FAM227B: variants seen among roughly 807,000 people sequenced by gnomAD.
The protein encoded by FAM227B is family with sequence similarity 227 member B, also known as protein FAM227B.
A neutral mutation model predicts 73.8 loss-of-function variants in FAM227B; 88 were observed. The ratio of observed to expected loss-of-function variants is 1.19; its 90% CI spans 1.00 to 1.42. FAM227B has a LOEUF of 1.42. FAM227B is among the 40% of genes most tolerant of loss of function. The pLI is 0.00. For synonymous variants in FAM227B, 210 were observed against 190.5 expected (o/e 1.10, Z -0.84); for missense variants, 632 against 590.9 (o/e 1.07, Z -0.72).
chr15:49,498,417 A>T (rs999289584), intron 11 of FAM227B, among the ~76,000 whole-genome samples: 2 of 152,210 alleles, frequency 1.3e-5, no homozygotes, highest in Non-Finnish European at 2.9e-5. Flanking sequence ...CTCTTAAGTT[A>T]ACACACTTTA....
intron 13 of FAM227B, among the ~76,000 whole-genome samples, chr15:49,351,372 G>A (rs1247615146): frequency 3.9e-5 from 6 of 152,134 alleles, no homozygotes; most frequent in Admixed American, 1.3e-4. Context: ...GGCCAATTCC[G>A]CCCAAACTCT....
At chr15:49,459,889 T>A (rs1209199145) in intron 11 of FAM227B, among the ~76,000 whole-genome samples, 1 of 152,164 alleles carries the variant, frequency 6.6e-6, no homozygotes, top group Non-Finnish European at 1.5e-5. Flanking sequence ...GGTGGAGGTA[T>A]TTACACAATG....
intron 13 of FAM227B, among the ~76,000 whole-genome samples, chr15:49,356,219 G>T (rs2043142313): frequency 6.6e-6 from 1 of 151,636 alleles, no homozygotes; most frequent in African/African-American, 2.4e-5. Flanking sequence ...CATAATGACA[G>T]GATCAAATTC....
intron 13 of FAM227B, among the ~76,000 whole-genome samples, chr15:49,342,981 G>A (rs1379350544): frequency 6.6e-6 from 1 of 152,072 alleles, no homozygotes; most frequent in East Asian, 1.9e-4. Flanking sequence ...TGGAAAGTCT[G>A]GTGAGTATAT....
At chr15:49,619,491 C>T (rs532264512) in intron 1 of FAM227B, among the ~76,000 whole-genome samples, 1 of 152,264 alleles carries the variant, frequency 6.6e-6, no homozygotes, top group Admixed American at 6.5e-5. Flanking sequence ...GAGGAAACCC[C>T]GGCCATATAG....
At chr15:49,396,679 G>A (rs1230465455) in intron 11 of FAM227B, among the ~76,000 whole-genome samples, 3 of 151,506 alleles carry the variant, frequency 2.0e-5, no homozygotes, top group African/African-American at 2.4e-5. Flanking sequence ...CCTCAAGTGG[G>A]TCCCTGACCC....
chr15:49,596,628 A>G (rs1173465249), intron 3 of FAM227B, among the ~76,000 whole-genome samples: 1 of 151,926 alleles, frequency 6.6e-6, no homozygotes, highest in Non-Finnish European at 1.5e-5. Context: ...TCATATCTCA[A>G]TACATTGGAT....
intron 10 of FAM227B, among the ~76,000 whole-genome samples, chr15:49,509,513 A>C (rs912199206): frequency 2.0e-5 from 3 of 152,120 alleles, no homozygotes; most frequent in African/African-American, 7.2e-5. Flanking sequence ...TCTGCCATCA[A>C]GGCAGACGTG....
chr15:49,575,898 G>T (rs1191056519), intron 7 of FAM227B, among the ~76,000 whole-genome samples: 1 of 152,116 alleles, frequency 6.6e-6, no homozygotes, highest in African/African-American at 2.4e-5. Flanking sequence ...GTTTAAATAG[G>T]CAGATTCAAT....
chr15:49,531,478 C>T (rs2060604468), intron 10 of FAM227B, among the ~76,000 whole-genome samples: 2 of 151,998 alleles, frequency 1.3e-5, no homozygotes, highest in African/African-American at 4.8e-5. Context: ...TAACAACTTG[C>T]AAATATTTAA....
At chr15:49,579,487 T>G (rs953451967) in intron 5 of FAM227B, among the ~76,000 whole-genome samples, 2 of 152,226 alleles carry the variant, frequency 1.3e-5, no homozygotes, top group African/African-American at 4.8e-5. Flanking sequence ...TCCTGTCATT[T>G]GCAGCAATAT....
chr15:49,329,490 T>C, intron 15 of FAM227B: 1 of 985,338 alleles, frequency 1.0e-6, no homozygotes, highest in Non-Finnish European at 1.2e-6. Flanking sequence ...GGCATCACCA[T>C]CTAGAATTTC....
intron 11 of FAM227B, among the ~76,000 whole-genome samples, chr15:49,396,725 C>CT (rs898020036): frequency 9.4e-5 from 14 of 149,282 alleles, no homozygotes; most frequent in South Asian, 4.3e-4. Context: ...AGGCACCCCC[C>CT]AGCAGGGGCA....
chr15:49,340,422 C>CT (rs2040535390), intron 13 of FAM227B, among the ~76,000 whole-genome samples: 2 of 143,290 alleles, frequency 1.4e-5, no homozygotes, highest in South Asian at 2.3e-4. Context: ...CTCCCCCCCC[C>CT]GCTTTGCCTC....
chr15:49,603,712 G>A (rs1230059657), intron 3 of FAM227B, among the ~76,000 whole-genome samples: 1 of 152,150 alleles, frequency 6.6e-6, no homozygotes, highest in Non-Finnish European at 1.5e-5. Context: ...TGGTGAAAGT[G>A]GGCATCCTTG....
chr15:49,474,196 T>C (rs1253605463), intron 11 of FAM227B, among the ~76,000 whole-genome samples: 1 of 152,200 alleles, frequency 6.6e-6, no homozygotes, highest in Non-Finnish European at 1.5e-5. Flanking sequence ...TTAGGCTATC[T>C]ATATCAGCCC....
chr15:49,507,488 T>G (rs2058667401), intron 11 of FAM227B, among the ~76,000 whole-genome samples: 1 of 152,098 alleles, frequency 6.6e-6, no homozygotes, highest in Admixed American at 6.6e-5. Context: ...TAGATTCTGA[T>G]TTAACCAGTC....
In FAM227B at chr15:49,541,692, GA is replaced by G; in HGVS notation, c.861del (p.Leu288PhefsTer6). 6.6e-7 allele frequency: 1 copy of G among 1,504,394 alleles called. No homozygotes were observed. Among genetic ancestry groups the G allele is most frequent in the South Asian group, 1.4e-5 (1 of 69,730 alleles). 93.2% of individuals were successfully genotyped at this position (1,504,394 alleles called of 1,614,324 possible). The stretch of plus-strand genomic sequence containing the variant: ...GATATATTCATACCTGAACACCAAA[GA>G]AAAATGTTATTCCCTAGATCTTCTT... ...EFKEDLGNNI[F>X]LWCSGLKPQK... On this transcript the variant is annotated frameshift_variant, in exon 10 of 16. Coordinates refer to ENST00000299338, the MANE Select transcript of FAM227B (RefSeq NM_152647.3). LOFTEE classifies it high-confidence loss of function.
intron 11 of FAM227B, among the ~76,000 whole-genome samples, chr15:49,378,174 T>A (rs2046293462): frequency 6.6e-6 from 1 of 152,124 alleles, no homozygotes; most frequent in Admixed American, 6.5e-5. Flanking sequence ...ACTGTAGGTG[T>A]GTGGGTTTGT....
Sources: gnomAD v4.1 joint callset for allele counts (sites outside exome capture counted in the v4.1 genomes callset) on GRCh38, gnomAD v4.1.1 for gene constraint, MANE v1.5 for transcripts, NCBI Gene and HGNC (gene_info 2026-07-23, HGNC 2026-07-21) for gene names.